GLIS3: variants seen among roughly 807,000 people sequenced by gnomAD.
The protein encoded by GLIS3 is GLIS family zinc finger 3, also known as zinc finger protein GLIS3.
A neutral mutation model predicts 78.6 loss-of-function variants in GLIS3; 53 were observed. That is an observed-to-expected ratio of 0.67 (90% CI 0.54 to 0.85). GLIS3 has a LOEUF of 0.85. Ranked by LOEUF, GLIS3 falls within the 40% of genes least tolerant of loss-of-function variation. The probability of loss-of-function intolerance (pLI) is 0.00; values close to 1 mark genes in which losing one functional copy is unlikely to be tolerated. For missense variants in GLIS3, 1,703 were observed against 1,231.1 expected (o/e 1.38, Z -5.74); for synonymous variants, 684 against 509.9 (o/e 1.34, Z -4.60).
chr9:4,054,210 A>G lies in GLIS3; in HGVS notation c.1710+63558T>C, dbSNP rs114568231. On this transcript the variant is annotated intron_variant, in intron 4 of 10. Coordinates refer to ENST00000381971, the MANE Select transcript of GLIS3 (RefSeq NM_001042413.2). ...CACAGCAGGAAGCCTGTCCACACTC[A>G]CCAGCAGAACATCAGCTCTGTGAGG... The G allele has an allele frequency of 4.8e-3, 2,454 of 510,004 alleles. 22 individuals are homozygous for G. Among genetic ancestry groups the G allele is most frequent in the African/African-American group, 0.025 (1,208 of 48,062 alleles). The allele number at this position is 510,004 out of a possible 1,614,324, so 31.6% of individuals were successfully genotyped here. A position where few individuals can be genotyped will look rare whatever the true frequency, so the allele number is the denominator to read the frequency against.
At chr9:4,312,664 C>T (rs752384496) in intron 2 of GLIS3, among the ~76,000 whole-genome samples, 12 of 152,194 alleles carry the variant, frequency 7.9e-5, no homozygotes, top group Non-Finnish European at 1.5e-4. Flanking sequence ...TATGCTGTTA[C>T]CTTAGGCCTT....
chr9:3,923,983 G>A (rs917745887), intron 6 of GLIS3, among the ~76,000 whole-genome samples: 1 of 152,218 alleles, frequency 6.6e-6, no homozygotes, highest in African/African-American at 2.4e-5. Context: ...ATAATTTCTG[G>A]GAGTTCATGA....
At chr9:3,858,747 GAAAT>G (rs1819960553) in intron 8 of GLIS3, among the ~76,000 whole-genome samples, 1 of 152,060 alleles carries the variant, frequency 6.6e-6, no homozygotes, top group Non-Finnish European at 1.5e-5. Flanking sequence ...TACATGTAGA[GAAAT>G]AAAATATGAC....
chr9:4,356,797 T>TA, the GLIS3 span, among the ~76,000 whole-genome samples: 1 of 152,208 alleles, frequency 6.6e-6, no homozygotes, highest in African/African-American at 2.4e-5. Flanking sequence ...AGAAAATCTC[T>TA]AAAGGTTTGA....
chr9:4,216,238 C>T (rs1054643361), intron 2 of GLIS3, among the ~76,000 whole-genome samples: 1 of 151,724 alleles, frequency 6.6e-6, no homozygotes. Flanking sequence ...TTTGGGAGGC[C>T]GAGGTGGGCA....
chr9:3,838,528 G>A (rs552164406), intron 9 of GLIS3, among the ~76,000 whole-genome samples: 1 of 152,250 alleles, frequency 6.6e-6, no homozygotes, highest in African/African-American at 2.4e-5. Flanking sequence ...TGGGAAAGCA[G>A]ATGACAAAGA....
In GLIS3 at chr9:4,017,599, G is replaced by C. The variant is rs140534994; in HGVS notation, c.1711-80410C>G. Among the ~76,000 whole-genome samples the C allele has an allele frequency of 4.1e-3, 617 of 152,298 alleles. 9 individuals carry two copies. The highest frequency in any genetic ancestry group is 0.014 in the African/African-American group (588 of 41,544). ...CCCAGAGTAGAGATGATCAGAGAGA[G>C]GCTGTGAAAGGTGGCGAGGGTTTAG... On this transcript the variant is annotated intron_variant, in intron 4 of 10. Coordinates refer to ENST00000381971, the MANE Select transcript of GLIS3 (RefSeq NM_001042413.2).
At chr9:4,084,176 G>C (rs1828798984) in intron 4 of GLIS3, among the ~76,000 whole-genome samples, 1 of 151,768 alleles carries the variant, frequency 6.6e-6, no homozygotes, top group Admixed American at 6.6e-5. Flanking sequence ...GGGAGAAAAA[G>C]ACTACGAAGC....
chr9:4,152,608 T>C (rs182944396), intron 2 of GLIS3, among the ~76,000 whole-genome samples: 2 of 152,270 alleles, frequency 1.3e-5, no homozygotes, highest in African/African-American at 2.4e-5. Flanking sequence ...TGAGTAAACG[T>C]GGTGTTCACT....
intron 4 of GLIS3, among the ~76,000 whole-genome samples, chr9:4,052,579 T>A (rs566710497): frequency 6.6e-6 from 1 of 152,218 alleles, no homozygotes; most frequent in Non-Finnish European, 1.5e-5. Flanking sequence ...AGAAACTGAA[T>A]GATACAATAT....
upstream of GLIS3, among the ~76,000 whole-genome samples, chr9:4,300,247 C>G (rs968431765): frequency 2.8e-5 from 4 of 144,372 alleles, no homozygotes; most frequent in African/African-American, 7.6e-5. Context: ...CACACACACA[C>G]TCCCCGTGCG....
chr9:4,314,985 C>T (rs1252818658), intron 2 of GLIS3, among the ~76,000 whole-genome samples: 1 of 152,214 alleles, frequency 6.6e-6, no homozygotes, highest in Non-Finnish European at 1.5e-5. Flanking sequence ...TTTGCCAAGA[C>T]CATAGCTTGT....
intron 2 of GLIS3, among the ~76,000 whole-genome samples, chr9:4,272,327 G>A (rs939790134): frequency 6.6e-6 from 1 of 152,068 alleles, no homozygotes; most frequent in African/African-American, 2.4e-5. Context: ...AGAAATTCTG[G>A]TAGACATAAT....
At chr9:4,461,568 T>C in the GLIS3 span, among the ~76,000 whole-genome samples, 1 of 152,328 alleles carries the variant, frequency 6.6e-6, no homozygotes, top group Admixed American at 6.5e-5. Context: ...TCTTTGCTAC[T>C]CCTCCCTCCA....
At chr9:4,234,469 G>T (rs184410748) in intron 2 of GLIS3, among the ~76,000 whole-genome samples, 47 of 152,166 alleles carry the variant, frequency 3.1e-4, no homozygotes, top group Admixed American at 2.6e-3. Context: ...AACACTTATT[G>T]GTTAAGTTTG....
At chr9:4,218,323 G>A (rs73400423) in intron 2 of GLIS3, among the ~76,000 whole-genome samples, 4,104 of 151,796 alleles carry the variant, frequency 0.027, 192 homozygotes, top group African/African-American at 0.094. Context: ...TCGCTCTGTC[G>A]CCCACAGTGC....
At chr9:4,246,706 C>G (rs1823836480) in intron 2 of GLIS3, among the ~76,000 whole-genome samples, 1 of 152,304 alleles carries the variant, frequency 6.6e-6, no homozygotes, top group South Asian at 2.1e-4. Flanking sequence ...CTGGTCTCAT[C>G]CTTTACCTCC....
At chr9:4,241,715 C>A (rs1196766689) in intron 2 of GLIS3, among the ~76,000 whole-genome samples, 1 of 151,970 alleles carries the variant, frequency 6.6e-6, no homozygotes, top group Non-Finnish European at 1.5e-5. Flanking sequence ...CTTGCTCTGT[C>A]TGGAATGTCC....
intron 2 of GLIS3, among the ~76,000 whole-genome samples, chr9:4,281,957 C>T (rs1388926138): frequency 6.6e-6 from 1 of 152,136 alleles, no homozygotes; most frequent in Non-Finnish European, 1.5e-5. Flanking sequence ...TGTTTGGGAA[C>T]CACAATCTAT....
Sources: allele counts gnomAD v4.1 joint callset (sites outside exome capture counted in the v4.1 genomes callset), GRCh38; gene constraint gnomAD v4.1.1; transcripts MANE v1.5; gene names NCBI Gene and HGNC (gene_info 2026-07-23, HGNC 2026-07-21).